SLC30A3: variants seen among roughly 807,000 people sequenced by gnomAD.
SLC30A3 encodes the protein solute carrier family 30 member 3.
Under a neutral mutation model 35.6 loss-of-function variants are expected in SLC30A3, and 20 were observed. The ratio of observed to expected loss-of-function variants is 0.56; its 90% CI spans 0.39 to 0.82. SLC30A3 has a LOEUF of 0.82. Ranked by LOEUF, SLC30A3 falls within the 40% of genes least tolerant of loss-of-function variation. The pLI is 0.00. For synonymous variants in SLC30A3, 217 were observed against 224.7 expected, an observed-to-expected ratio of 0.97 and a Z score of 0.31; for missense variants, 401 against 530.6, an observed-to-expected ratio of 0.76 and a Z score of 2.40.
At chr2:27,263,055 G>T, upstream of SLC30A3, 4 of 1,363,098 alleles carry the variant, frequency 2.9e-6, no homozygotes, top group Non-Finnish European at 1.9e-6. Context: ...ACTGTGGCGC[G>T]CGGAGTCCGA....
chr2:27,262,958 C>G lies in SLC30A3; in HGVS notation c.-52G>C. 3 of 1,466,354 alleles carry G rather than the reference C, an allele frequency of 2.0e-6. No homozygotes were observed. The highest frequency in any genetic ancestry group is 2.7e-6 in the Non-Finnish European group (3 of 1,119,086). The allele number at this position is 1,466,354 out of a possible 1,614,324, so 90.8% of individuals were successfully genotyped here. On this transcript the variant is annotated 5_prime_UTR_variant, in exon 1 of 8. Coordinates refer to ENST00000233535, the MANE Select transcript of SLC30A3 (RefSeq NM_003459.5). This position sits in a 1 kb window ranked among gnomAD's most constrained non-coding sequence, Gnocchi z 7.5. ...CCCACCGAGGAAGAGAGAGGCCGGGCCGGCCCCGCGCCAAGTCCGAGCAGC... is the reference window on the plus strand; with the variant it reads ...CCCACCGAGGAAGAGAGAGGCCGGGGCGGCCCCGCGCCAAGTCCGAGCAGC...
upstream of SLC30A3, among the ~76,000 whole-genome samples, chr2:27,267,113 C>T (rs569647726): frequency 3.0e-4 from 45 of 152,240 alleles, no homozygotes; most frequent in African/African-American, 9.6e-4. Context: ...AATATGGTAA[C>T]TCCATCCTCC....
Position 27,258,045 on chromosome 2 carries a change from A to G in SLC30A3, c.438T>C (p.Ala146=). 2 of 1,614,112 alleles carry G rather than the reference A, an allele frequency of 1.2e-6. No homozygotes were observed. The highest frequency in any genetic ancestry group is 2.2e-5 in the South Asian group (2 of 91,088). Residue 146 remains alanine (A), a synonymous_variant, in exon 4 of 8, where the codon GCT becomes GCC. Coordinates refer to ENST00000233535, the MANE Select transcript of SLC30A3 (RefSeq NM_003459.5). The surrounding 1 kb of genome is among the most constrained non-coding windows in gnomAD (Gnocchi z 4.0). ...TCCAGAGGGAGACCACAGAGGCCAA[A>G]GCCCCCAGAGTCTCTGCGGGTGGGG... The part of the protein sequence containing the change: ...FGWHRSETLG[A]LASVVSLWMV...
chr2:27,257,798 G>T lies in SLC30A3; in HGVS notation c.578+107C>A. 8.9e-7 allele frequency: 1 copy of T among 1,128,548 alleles called. No homozygotes were observed. Among genetic ancestry groups the T allele is most frequent in the Non-Finnish European group, 1.3e-6 (1 of 778,968 alleles). 69.9% of individuals were successfully genotyped at this position (1,128,548 alleles called of 1,614,324 possible). A position where few individuals can be genotyped will look rare whatever the true frequency, so the allele number is the denominator to read the frequency against. On this transcript the variant is annotated intron_variant, in intron 4 of 7. Coordinates refer to ENST00000233535, the MANE Select transcript of SLC30A3 (RefSeq NM_003459.5). The surrounding 1 kb of genome is among the most constrained non-coding windows in gnomAD (Gnocchi z 4.7). Reference sequence around the variant, plus strand: ...CAGGGCAGCCCATGGAGAGCTGTGTGTGCGTGTCTGTGTGTCTGGTGGGGA... The same window carrying T: ...CAGGGCAGCCCATGGAGAGCTGTGTTTGCGTGTCTGTGTGTCTGGTGGGGA...
Position 27,253,956 on chromosome 2 carries a change from A to G in SLC30A3, c.*1356T>C, listed in dbSNP as rs1459630475. 6.6e-6 allele frequency: 1 copy of G among 152,196 alleles called. No individual in the cohort carries two copies. Among genetic ancestry groups the G allele is most frequent in the Non-Finnish European group, 1.5e-5 (1 of 68,042 alleles). 9.4% of individuals were successfully genotyped at this position (152,196 alleles called of 1,614,324 possible). The stretch of plus-strand genomic sequence containing the variant: ...GCTGAGATTACAGGCACAGGCCACT[A>G]TGTCCAGCTTGAGTTTGATTTTTTT... On this transcript the variant is annotated 3_prime_UTR_variant, in exon 8 of 8. Transcript: ENST00000233535.
intron 1 of SLC30A3, among the ~76,000 whole-genome samples, chr2:27,273,999 A>G (rs1032352757): frequency 6.6e-6 from 1 of 152,206 alleles, no homozygotes; most frequent in Non-Finnish European, 1.5e-5. Context: ...GGTTGGCGCA[A>G]TGGCTTCAAG....
upstream of SLC30A3, among the ~76,000 whole-genome samples, chr2:27,264,392 T>C (rs1437799210): frequency 6.6e-6 from 1 of 151,792 alleles, no homozygotes; most frequent in African/African-American, 2.4e-5. The surrounding 1 kb of genome is among the most constrained non-coding windows in gnomAD (Gnocchi z 6.1). Context: ...GATACAGTGG[T>C]TGGAAGTGAT....
In SLC30A3 at chr2:27,253,745, T is replaced by C. The variant is rs11126934; in HGVS notation, c.*1567A>G. Reference sequence around the variant, plus strand: ...CAGTGGCATGATCATGGCTGACTGCTGCCTTGACCTCCTGGGCTCAGGCAA... The same window carrying C: ...CAGTGGCATGATCATGGCTGACTGCCGCCTTGACCTCCTGGGCTCAGGCAA... On this transcript the variant is annotated 3_prime_UTR_variant, in exon 8 of 8. Coordinates refer to ENST00000233535, the MANE Select transcript of SLC30A3 (RefSeq NM_003459.5). 0.36 allele frequency: 54,072 copies of C among 149,972 alleles called. 12,099 individuals are homozygous for C. Among genetic ancestry groups the C allele is most frequent in the African/African-American group, 0.62 (25,436 of 40,740 alleles). The allele number at this position is 149,972 out of a possible 1,614,324, so 9.3% of individuals were successfully genotyped here.
intron 1 of SLC30A3, among the ~76,000 whole-genome samples, chr2:27,272,071 T>C (rs1400985973): frequency 6.6e-6 from 1 of 152,114 alleles, no homozygotes; most frequent in Non-Finnish European, 1.5e-5. Flanking sequence ...TAGGTAGGAG[T>C]GTCTCGGAAA....
At chr2:27,260,903 G>A (rs1169019938) in intron 1 of SLC30A3, among the ~76,000 whole-genome samples, 1 of 152,208 alleles carries the variant, frequency 6.6e-6, no homozygotes, top group Non-Finnish European at 1.5e-5. Context: ...TTCATTCAAT[G>A]AGGTGCACCA....
chr2:27,273,092 A>AGTGTGTGT (rs58847409), intron 1 of SLC30A3, among the ~76,000 whole-genome samples: 4 of 140,910 alleles, frequency 2.8e-5, no homozygotes, highest in South Asian at 2.3e-4. Context: ...ACATATACAC[A>AGTGTGTGT]GTGTGTGTGT....
At chr2:27,270,503 C>A (rs993321583) in intron 1 of SLC30A3, among the ~76,000 whole-genome samples, 1 of 151,768 alleles carries the variant, frequency 6.6e-6, no homozygotes, top group Admixed American at 6.6e-5. Flanking sequence ...TTCTTCCCAG[C>A]GACAAAATGA....
chr2:27,275,453 C>G (rs1323476619), upstream of SLC30A3: 3 of 350,172 alleles, frequency 8.6e-6, no homozygotes, highest in African/African-American at 2.1e-5. Flanking sequence ...TCAGCGTCGA[C>G]GCTGCGCACA....
chr2:27,257,182 A>C lies in SLC30A3; in HGVS notation c.749T>G (p.Leu250Arg). 1 of 1,614,066 alleles carries C rather than the reference A, an allele frequency of 6.2e-7. No homozygotes were observed. Residue 250 changes from leucine (L) to arginine (R), a missense_variant, in exon 5 of 8, where the codon CTG (leucine) becomes CGG (arginine). Leu to Arg is a moderately radical substitution (Grantham distance 102). Coordinates refer to ENST00000233535, the MANE Select transcript of SLC30A3 (RefSeq NM_003459.5). This position sits in a 1 kb window ranked among gnomAD's most constrained non-coding sequence, Gnocchi z 4.7. ...LGDLLQSFGV[L>R]AASILIYFKP... ...GAAGTAGATGAGGATGGAGGCAGCC[A>C]GTACCCCAAAGCTCTGCAGGAGGTC...
chr2:27,255,634 G>C lies in SLC30A3; in HGVS notation c.1019-174C>G. On this transcript the variant is annotated intron_variant, in intron 7 of 7. Coordinates refer to ENST00000233535, the MANE Select transcript of SLC30A3 (RefSeq NM_003459.5). This position sits in a 1 kb window ranked among gnomAD's most constrained non-coding sequence, Gnocchi z 5.2. Reference sequence around the variant, plus strand: ...AAAGTGTCAAATCAAATGTTGGAGAGACTCACCCCAATCAACCATGCTAAC... The same window carrying C: ...AAAGTGTCAAATCAAATGTTGGAGACACTCACCCCAATCAACCATGCTAAC... The C allele has an allele frequency of 3.0e-6, 2 of 670,712 alleles. No individual in the cohort carries two copies. The highest frequency in any genetic ancestry group is 5.0e-6 in the Non-Finnish European group (2 of 398,034). The allele number at this position is 670,712 out of a possible 1,614,324, so 41.5% of individuals were successfully genotyped here. A position where few individuals can be genotyped will look rare whatever the true frequency, so the allele number is the denominator to read the frequency against.
At chr2:27,267,907 C>A (rs1677560767), upstream of SLC30A3, among the ~76,000 whole-genome samples, 1 of 151,646 alleles carries the variant, frequency 6.6e-6, no homozygotes, top group Admixed American at 6.6e-5. Context: ...TGCACTCCAG[C>A]CTGGGCAACA....
At chr2:27,263,756 C>T (rs1257759463), upstream of SLC30A3, among the ~76,000 whole-genome samples, 3 of 147,466 alleles carry the variant, frequency 2.0e-5, no homozygotes, top group Non-Finnish European at 4.5e-5. Context: ...GACCCCCATC[C>T]TCTTTCCCTC....
chr2:27,258,141 G>A lies in SLC30A3; in HGVS notation c.424+20C>T, dbSNP rs752012696. 4 of 1,600,570 alleles carry A rather than the reference G, an allele frequency of 2.5e-6. No homozygotes were observed. In the South Asian group the frequency reaches 4.5e-5, roughly 18 times the overall value. On this transcript the variant is annotated intron_variant, in intron 3 of 7. Coordinates refer to ENST00000233535, the MANE Select transcript of SLC30A3 (RefSeq NM_003459.5). This position sits in a 1 kb window ranked among gnomAD's most constrained non-coding sequence, Gnocchi z 4.0. Reference sequence around the variant, plus strand: ...CCTCTGGCAAGATTGGAGAGTCACTGGGCCATGCAGGGGCCTTACCTGAAC... The same window carrying A: ...CCTCTGGCAAGATTGGAGAGTCACTAGGCCATGCAGGGGCCTTACCTGAAC...
At chr2:27,268,482 G>A (rs929143406) in intron 1 of SLC30A3, among the ~76,000 whole-genome samples, 10 of 152,148 alleles carry the variant, frequency 6.6e-5, no homozygotes, top group South Asian at 2.1e-4. Flanking sequence ...GGCCGGGGGC[G>A]GTGGCTCACG....
Sources: allele counts gnomAD v4.1 joint callset (sites outside exome capture counted in the v4.1 genomes callset), GRCh38; gene constraint gnomAD v4.1.1; non-coding constraint Gnocchi (gnomAD v3.1); transcripts MANE v1.5; gene names NCBI Gene and HGNC (gene_info 2026-07-23, HGNC 2026-07-21).